ANKRD6: variants seen among roughly 807,000 people sequenced by gnomAD.
ANKRD6 encodes the protein ankyrin repeat domain-containing protein 6.
Under a neutral mutation model 82.3 loss-of-function variants are expected in ANKRD6, and 56 were observed. That is an observed-to-expected ratio of 0.68 (90% CI 0.55 to 0.85). The LOEUF is 0.85. Among genes scored for constraint, ANKRD6 ranks in the 40% least tolerant of loss-of-function variants. The probability of loss-of-function intolerance (pLI) is 0.00; values close to 1 mark genes in which losing one functional copy is unlikely to be tolerated. For missense variants in ANKRD6, 852 were observed against 907.6 expected, an observed-to-expected ratio of 0.94 and a Z score of 0.79; for synonymous variants, 347 against 352.1, an observed-to-expected ratio of 0.99 and a Z score of 0.16.
At chr6:89,572,856 A>G (rs1352177443) in intron 2 of ANKRD6, among the ~76,000 whole-genome samples, 1 of 152,204 alleles carries the variant, frequency 6.6e-6, no homozygotes, top group Non-Finnish European at 1.5e-5. Context: ...TATGCTTTCT[A>G]TTATATTTCA....
At chr6:89,479,428 ATAT>A (rs1278639681) in intron 1 of ANKRD6, among the ~76,000 whole-genome samples, 2 of 152,170 alleles carry the variant, frequency 1.3e-5, no homozygotes, top group Non-Finnish European at 2.9e-5. Flanking sequence ...AGGCAGCATA[ATAT>A]TCTACCAGAT....
chr6:89,436,782 G>A (rs1770688822), intron 1 of ANKRD6, among the ~76,000 whole-genome samples: 1 of 152,212 alleles, frequency 6.6e-6, no homozygotes, highest in Non-Finnish European at 1.5e-5. Flanking sequence ...GTGCCCCACT[G>A]CTGGACTGTA....
chr6:89,479,470 T>C (rs565100083), intron 1 of ANKRD6, among the ~76,000 whole-genome samples: 75 of 152,330 alleles, frequency 4.9e-4, no homozygotes, highest in Non-Finnish European at 1.0e-3. Flanking sequence ...TGAATCATCT[T>C]CTTTTATTGG....
At chr6:89,537,938 C>T (rs946987613) in intron 1 of ANKRD6, among the ~76,000 whole-genome samples, 1 of 150,376 alleles carries the variant, frequency 6.6e-6, no homozygotes, top group Non-Finnish European at 1.5e-5. Context: ...ATATAATGGA[C>T]TTTACATGCC....
chr6:89,505,795 T>C (rs1336411762), intron 1 of ANKRD6, among the ~76,000 whole-genome samples: 2 of 152,238 alleles, frequency 1.3e-5, no homozygotes, highest in East Asian at 3.8e-4. Context: ...ACCCCACGTT[T>C]GTTGCAGCAT....
chr6:89,623,819 C>T, intron 11 of ANKRD6, 53 bp from the exon 12 acceptor site: 2 of 1,539,918 alleles, frequency 1.3e-6, no homozygotes, highest in Non-Finnish European at 8.8e-7. Flanking sequence ...CGACTGGTGT[C>T]AGTCTTGCAG....
chr6:89,517,426 C>T (rs1229092999), intron 1 of ANKRD6, among the ~76,000 whole-genome samples: 2 of 152,098 alleles, frequency 1.3e-5, no homozygotes, highest in African/African-American at 4.8e-5. Flanking sequence ...AAACTTTGGC[C>T]TCTTTTATTG....
chr6:89,629,614 C>A (rs1006418824), intron 15 of ANKRD6: 4 of 307,592 alleles, frequency 1.3e-5, no homozygotes, highest in Non-Finnish European at 2.5e-5. Flanking sequence ...CCTCTTCCTT[C>A]TCTTTGATCT....
intron 2 of ANKRD6, among the ~76,000 whole-genome samples, chr6:89,575,819 C>T (rs1790996982): frequency 6.6e-6 from 1 of 152,160 alleles, no homozygotes; most frequent in Admixed American, 6.5e-5. Context: ...GACATTTTCT[C>T]TGCCACAGAT....
chr6:89,471,478 T>C (rs542285047), intron 1 of ANKRD6, among the ~76,000 whole-genome samples: 1 of 150,790 alleles, frequency 6.6e-6, no homozygotes, highest in African/African-American at 2.4e-5. Context: ...AGTAAGTATA[T>C]ATAGACAGGA....
At chr6:89,453,624 G>T (rs1302037553) in intron 1 of ANKRD6, among the ~76,000 whole-genome samples, 3 of 151,942 alleles carry the variant, frequency 2.0e-5, no homozygotes, top group Non-Finnish European at 2.9e-5. Flanking sequence ...CTGTCGCCTA[G>T]TTAGGAGTGC....
At chr6:89,515,777 T>C (rs1018254865) in intron 1 of ANKRD6, among the ~76,000 whole-genome samples, 1 of 151,994 alleles carries the variant, frequency 6.6e-6, no homozygotes, top group Non-Finnish European at 1.5e-5. Flanking sequence ...CTCTCCTGGA[T>C]TACTAGGGTA....
At chr6:89,560,470 G>A (rs1787237378) in intron 1 of ANKRD6, among the ~76,000 whole-genome samples, 1 of 152,222 alleles carries the variant, frequency 6.6e-6, no homozygotes, top group Admixed American at 6.5e-5. Context: ...CACTGGGGGT[G>A]TGGGCTTCAA....
chr6:89,535,842 G>A (rs764471901), intron 1 of ANKRD6, among the ~76,000 whole-genome samples: 2 of 152,216 alleles, frequency 1.3e-5, no homozygotes, highest in Non-Finnish European at 2.9e-5. Context: ...TACCAGTTGT[G>A]CAATCCCAAG....
chr6:89,594,517 T>C (rs765486978), intron 2 of ANKRD6, among the ~76,000 whole-genome samples: 3 of 152,152 alleles, frequency 2.0e-5, no homozygotes, highest in Admixed American at 6.5e-5. Context: ...TGTCTTTGAC[T>C]ATAAACATGT....
chr6:89,549,028 G>T (rs973045251), intron 1 of ANKRD6, among the ~76,000 whole-genome samples: 3 of 152,104 alleles, frequency 2.0e-5, no homozygotes, highest in Non-Finnish European at 4.4e-5. Flanking sequence ...GCAACATGGT[G>T]AAACCCTGTC....
chr6:89,608,853 C>T (rs904979053), intron 5 of ANKRD6, among the ~76,000 whole-genome samples: 2 of 152,160 alleles, frequency 1.3e-5, no homozygotes, highest in African/African-American at 4.8e-5. Flanking sequence ...AATCTAGTCC[C>T]TCCTTTCATC....
At chr6:89,562,018 T>A (rs1260940399) in intron 1 of ANKRD6, among the ~76,000 whole-genome samples, 1 of 152,188 alleles carries the variant, frequency 6.6e-6, no homozygotes, top group Non-Finnish European at 1.5e-5. Flanking sequence ...GACCAAAAAT[T>A]CTGTCTTTAG....
intron 1 of ANKRD6, among the ~76,000 whole-genome samples, chr6:89,527,846 G>A (rs935640357): frequency 4.6e-5 from 7 of 152,060 alleles, no homozygotes; most frequent in Non-Finnish European, 1.0e-4. Flanking sequence ...GTCTTGCTCT[G>A]TCACTCAGGC....
Sources: gnomAD v4.1 joint callset for allele counts (sites outside exome capture counted in the v4.1 genomes callset) on GRCh38, gnomAD v4.1.1 for gene constraint, MANE v1.5 for transcripts, NCBI Gene and HGNC (gene_info 2026-07-23, HGNC 2026-07-21) for gene names.